Variants in PCDH15 observed in about 807,000 individuals in gnomAD.
The protein encoded by PCDH15 is protocadherin-15.
A neutral mutation model predicts 178.5 loss-of-function variants in PCDH15; 129 were observed. The observed-to-expected ratio is 0.72, with a 90% CI of 0.63 to 0.84. PCDH15 has a LOEUF of 0.84. PCDH15 is among the 40% of genes least tolerant of loss of function. The pLI is 0.00. For synonymous variants in PCDH15, 800 were observed against 732.0 expected (o/e 1.09, Z -1.50); for missense variants, 2,230 against 2,099.9 (o/e 1.06, Z -1.21).
intron 2 of PCDH15, among the ~76,000 whole-genome samples, chr10:55,423,279 A>C (rs1838669249): frequency 6.6e-6 from 1 of 152,050 alleles, no homozygotes; most frequent in Non-Finnish European, 1.5e-5. Flanking sequence ...GGGAAGGATG[A>C]ATAAAGAAAA....
At chr10:54,881,372 C>T (rs551067085) in intron 3 of PCDH15, among the ~76,000 whole-genome samples, 1 of 152,006 alleles carries the variant, frequency 6.6e-6, no homozygotes, top group Admixed American at 6.6e-5. Flanking sequence ...TTTTCAGAAG[C>T]GATATTTAGT....
chr10:53,821,983 G>C, intron 32 of PCDH15: 1 of 1,613,922 alleles, frequency 6.2e-7, no homozygotes, highest in Non-Finnish European at 8.5e-7. Flanking sequence ...ATAGTTTGAA[G>C]TTCTGAAACA....
At chr10:55,366,075 A>C (rs1465372568) in intron 2 of PCDH15, 1 of 152,108 alleles carries the variant, frequency 6.6e-6, no homozygotes, top group African/African-American at 2.4e-5. Flanking sequence ...TTTGTACTTT[A>C]AATACTTGTT....
At chr10:55,239,339 A>G (rs113671289) in intron 1 of PCDH15, among the ~76,000 whole-genome samples, 2 of 152,192 alleles carry the variant, frequency 1.3e-5, no homozygotes, top group African/African-American at 2.4e-5. Flanking sequence ...TACTGGCATA[A>G]AAGTAGGCAC....
intron 8 of PCDH15, among the ~76,000 whole-genome samples, chr10:54,268,476 G>A (rs2057836984): frequency 6.6e-6 from 1 of 151,706 alleles, no homozygotes. Context: ...ATGTTCTATT[G>A]CAAATATGAA....
At chr10:54,299,181 G>A (rs1032210154) in intron 8 of PCDH15, among the ~76,000 whole-genome samples, 11 of 150,178 alleles carry the variant, frequency 7.3e-5, no homozygotes, top group Admixed American at 2.6e-4. Context: ...GAAAGAGGAA[G>A]AAACAGAGAG....
intron 8 of PCDH15, among the ~76,000 whole-genome samples, chr10:54,285,950 A>C (rs1261219022): frequency 6.6e-6 from 1 of 152,240 alleles, no homozygotes; most frequent in Non-Finnish European, 1.5e-5. Context: ...AGCCAGGCAC[A>C]GAAAGACAAA....
chr10:55,395,685 T>C (rs1412825913), intron 2 of PCDH15, among the ~76,000 whole-genome samples: 1 of 152,054 alleles, frequency 6.6e-6, no homozygotes, highest in Non-Finnish European at 1.5e-5. Context: ...AATTTTTTAG[T>C]TTAAAATTAG....
intron 8 of PCDH15, among the ~76,000 whole-genome samples, chr10:54,270,163 C>A (rs1447067659): frequency 2.6e-5 from 4 of 152,048 alleles, no homozygotes; most frequent in Admixed American, 6.6e-5. Flanking sequence ...AACATTCAAA[C>A]AATTTGATAG....
chr10:54,220,517 T>A (rs575682879), intron 9 of PCDH15, among the ~76,000 whole-genome samples: 13 of 152,128 alleles, frequency 8.5e-5, no homozygotes, highest in Non-Finnish European at 1.8e-4. Flanking sequence ...TTTTTAGACA[T>A]CCTTACAGAA....
intron 2 of PCDH15, among the ~76,000 whole-genome samples, chr10:54,958,676 A>G (rs1838557468): frequency 6.6e-6 from 1 of 151,790 alleles, no homozygotes; most frequent in Non-Finnish European, 1.5e-5. Context: ...TTACTATACA[A>G]AATAGTATGA....
chr10:53,953,606 T>C, intron 23 of PCDH15, among the ~76,000 whole-genome samples: 1 of 152,280 alleles, frequency 6.6e-6, no homozygotes, highest in Non-Finnish European at 1.5e-5. Flanking sequence ...TAAAATATCT[T>C]AATATTATAA....
At chr10:54,321,891 G>T (rs7916884) in intron 7 of PCDH15, among the ~76,000 whole-genome samples, 1 of 151,664 alleles carries the variant, frequency 6.6e-6, no homozygotes, top group Non-Finnish European at 1.5e-5. Context: ...GTTTCCACAC[G>T]TGGGAATTCT....
intron 2 of PCDH15, among the ~76,000 whole-genome samples, chr10:54,898,615 G>A (rs1015765290): frequency 2.6e-5 from 4 of 151,934 alleles, no homozygotes; most frequent in African/African-American, 9.7e-5. Flanking sequence ...CTGGAATACT[G>A]AATTTTCTAT....
chr10:54,958,238 T>C (rs1421486106), intron 2 of PCDH15, among the ~76,000 whole-genome samples: 1 of 130,234 alleles, frequency 7.7e-6, no homozygotes, highest in Non-Finnish European at 1.9e-5. Flanking sequence ...AATTTGTCTC[T>C]TTTTTTTCTC....
At position 53,857,244 on chromosome 10, in the gene PCDH15, A is replaced by C; in HGVS notation, c.3737T>G (p.Leu1246Arg). Residue 1246 changes from leucine (L) to arginine (R), a missense_variant, in exon 28 of 38, where the codon CTG (leucine) becomes CGG (arginine). Leu to Arg is a moderately radical substitution (Grantham distance 102, BLOSUM62 -2). Transcript: ENST00000644397. ...ATTGGAAACAATGACTTGCATATCCAGCTGATTGACCACGGAGACCTGAAA... is the reference window on the plus strand; with the variant it reads ...ATTGGAAACAATGACTTGCATATCCCGCTGATTGACCACGGAGACCTGAAA... ...ADVLVSVVNQ[L>R]DMQVIVSNVP... The C allele has an allele frequency of 2.5e-6, 4 of 1,611,644 alleles. No homozygotes were observed. The highest frequency in any genetic ancestry group is 3.4e-6 in the Non-Finnish European group (4 of 1,178,068).
chr10:54,457,167 C>T (rs1257892358), intron 3 of PCDH15, among the ~76,000 whole-genome samples: 1 of 152,102 alleles, frequency 6.6e-6, no homozygotes, highest in East Asian at 1.9e-4. Context: ...GCAGCTAATT[C>T]AAAGCACAAT....
At chr10:53,910,364 GCAAA>G (rs1486184950) in intron 25 of PCDH15, among the ~76,000 whole-genome samples, 1 of 152,134 alleles carries the variant, frequency 6.6e-6, no homozygotes, top group African/African-American at 2.4e-5. Flanking sequence ...TAACACCCAG[GCAAA>G]CAGTTTGGAG....
intron 3 of PCDH15, among the ~76,000 whole-genome samples, chr10:54,516,205 C>G (rs4570491): frequency 0.092 from 13,991 of 151,976 alleles, 965 homozygotes; most frequent in East Asian, 0.35. Context: ...TCTGAGCTGA[C>G]GGAGAATGAC....
Sources: allele counts gnomAD v4.1 joint callset (sites outside exome capture counted in the v4.1 genomes callset), GRCh38; gene constraint gnomAD v4.1.1; transcripts MANE v1.5; gene names NCBI Gene and HGNC (gene_info 2026-07-23, HGNC 2026-07-21).